Variants in VARS1 observed in about 807,000 individuals in gnomAD.
VARS1 encodes valyl-tRNA synthetase 1, also known as valine--tRNA ligase.
A neutral mutation model predicts 161.0 loss-of-function variants in VARS1; 92 were observed. The observed-to-expected ratio is 0.57, with a 90% CI of 0.48 to 0.68. The LOEUF (loss-of-function observed/expected upper bound fraction) is 0.68, where lower values mean the gene tolerates loss of function less well. Among genes scored for constraint, VARS1 ranks in the 30% least tolerant of loss-of-function variants. The pLI, the probability that VARS1 is intolerant of heterozygous loss-of-function variation, is 0.00. For missense variants in VARS1, 1,338 were observed against 1,695.9 expected, an observed-to-expected ratio of 0.79 and a Z score of 3.71; for synonymous variants, 595 against 682.5, an observed-to-expected ratio of 0.87 and a Z score of 2.00.
intron 8 of VARS1, among the ~76,000 whole-genome samples, chr6:31,786,254 C>G (rs771550175): frequency 1.3e-5 from 2 of 149,068 alleles, no homozygotes; most frequent in Non-Finnish European, 3.0e-5. Context: ...AGTGAGACTC[C>G]GTCTCCAAAA....
chr6:31,779,442 G>A lies in VARS1; in HGVS notation c.3383C>T (p.Thr1128Ile), dbSNP rs768376174. 2 of 1,612,300 alleles carry A rather than the reference G, an allele frequency of 1.2e-6. No homozygotes were observed. Among genetic ancestry groups the A allele is most frequent in the South Asian group, 1.1e-5 (1 of 91,070 alleles). The change falls in exon 28 of 30, where the codon ACC becomes ATC. Residue 1128 changes from threonine to isoleucine, a missense_variant. Physicochemically the swap from Thr to Ile is moderately conservative, Grantham distance 89. This residue lies in a region of VARS1 where 433 missense variants were observed against 586.2 expected (regional missense o/e 0.74). Coordinates refer to ENST00000375663, the MANE Select transcript of VARS1 (RefSeq NM_006295.3). This position sits in a 1 kb window ranked among gnomAD's most constrained non-coding sequence, Gnocchi z 9.1. ...VRSLRADYNL[T>I]RIRPDCFLEV... The stretch of plus-strand genomic sequence containing the variant: ...AGGCTCACAGTCAGGCCGGATCCGG[G>A]TGAGGTTGTAGTCGGCCCGCAGGGA...
rs746755292 is a variant in VARS1, at chr6:31,781,921, C to G, written c.2273G>C (p.Arg758Pro). ...DPDGRYWVSG[R>P]NEAEAREKAA... ...CTTCTCCCGGGCCTCCGCCTCATTGCGTCCACTCACCCAGTACCGCCCATC... is the reference window on the plus strand; with the variant it reads ...CTTCTCCCGGGCCTCCGCCTCATTGGGTCCACTCACCCAGTACCGCCCATC... The change falls in exon 19 of 30, where the codon CGC (arginine) becomes CCC (proline). Residue 758 changes from arginine (R) to proline (P), a missense_variant. This residue lies in a region of VARS1 where 902 missense variants were observed against 1,090.3 expected (regional missense o/e 0.83). Transcript: ENST00000375663. The surrounding 1 kb of genome is among the most constrained non-coding windows in gnomAD (Gnocchi z 6.8). The G allele has an allele frequency of 6.2e-7, 1 of 1,612,898 alleles. No homozygotes were observed. The highest frequency in any genetic ancestry group is 2.2e-5 in the East Asian group (1 of 44,890).
Position 31,795,495 on chromosome 6 carries a change from A to T in VARS1, c.-34+51T>A, listed in dbSNP as rs1469792153. ...GCTTCGGGGAGTGTGGAAGGCTCTC[A>T]GGAGCGGGTCGGCGTCTGGTTGGAT... is the stretch of plus-strand genomic sequence containing the variant. On this transcript the variant is annotated intron_variant, in intron 1 of 29. Transcript: ENST00000375663. The surrounding 1 kb of genome is among the most constrained non-coding windows in gnomAD (Gnocchi z 6.9). 1 of 345,280 alleles carries T rather than the reference A, an allele frequency of 2.9e-6. No individual in the cohort carries two copies. The highest frequency in any genetic ancestry group is 5.2e-6 in the Non-Finnish European group (1 of 192,064). 21.4% of individuals were successfully genotyped at this position (345,280 alleles called of 1,614,324 possible). A position where few individuals can be genotyped will look rare whatever the true frequency, so the allele number is the denominator to read the frequency against.
At position 31,781,355 on chromosome 6, in the gene VARS1, A is replaced by C. The variant is rs1813130007; in HGVS notation, c.2544+126T>G. 4.9e-6 allele frequency: 7 copies of C among 1,432,294 alleles called. No homozygotes were observed. The highest frequency in any genetic ancestry group is 6.5e-6 in the Non-Finnish European group (7 of 1,071,984). The allele number at this position is 1,432,294 out of a possible 1,614,324, so 88.7% of individuals were successfully genotyped here. On this transcript the variant is annotated intron_variant, in intron 21 of 29. Transcript: ENST00000375663. The surrounding 1 kb of genome is among the most constrained non-coding windows in gnomAD (Gnocchi z 6.8). ...GGCCCAGGCTGGATTTCAACCCCAC[A>C]CCAGCCCCCGGGTCAGGCCTGCCCA...
rs775529938 is a variant in VARS1 at position 31,779,054 on chromosome 6, C to A, written c.3639G>T (p.Arg1213=). 10 of 1,612,770 alleles carry A rather than the reference C, an allele frequency of 6.2e-6. No individual in the cohort carries two copies. In the South Asian group the frequency reaches 9.9e-5, roughly 16 times the overall value. ...GGCGTTCCCGCAGACGCTGGGCCTG[C>A]CGCTGGGCCTCAACTCGCTTGGCTT... ...KLQAKRVEAQ[R]QAQRLRERRA... The change falls in exon 29 of 30, where the codon CGG becomes CGT. Residue 1213 remains arginine (R), a synonymous_variant. Coordinates refer to ENST00000375663, the MANE Select transcript of VARS1 (RefSeq NM_006295.3). This position sits in a 1 kb window ranked among gnomAD's most constrained non-coding sequence, Gnocchi z 9.1.
Position 31,783,188 on chromosome 6 carries a change from T to C in VARS1, c.1672-2A>G. 1 of 1,612,162 alleles carries C rather than the reference T, an allele frequency of 6.2e-7. No homozygotes were observed. Among genetic ancestry groups the C allele is most frequent in the Non-Finnish European group, 8.5e-7 (1 of 1,179,708 alleles). On this transcript the variant is annotated splice_acceptor_variant, in intron 13 of 29. Coordinates refer to ENST00000375663, the MANE Select transcript of VARS1 (RefSeq NM_006295.3). LOFTEE classifies it high-confidence loss of function. ...GATCACGTTCTTCCCCTTCAGGTGC[T>C]GGGGGCGGAAAGATACCAAAAACGC...
At chr6:31,790,025 G>A (rs186708406) in intron 8 of VARS1, among the ~76,000 whole-genome samples, 18 of 150,566 alleles carry the variant, frequency 1.2e-4, no homozygotes, top group Middle Eastern at 3.4e-3. Flanking sequence ...TGCAAGACCC[G>A]TCTCAAAAAA....
rs979488589 is a variant in VARS1 at position 31,791,116 on chromosome 6, A to C, written c.1100+494T>G. On this transcript the variant is annotated intron_variant, in intron 8 of 29. Coordinates refer to ENST00000375663, the MANE Select transcript of VARS1 (RefSeq NM_006295.3). The surrounding 1 kb of genome is among the most constrained non-coding windows in gnomAD (Gnocchi z 5.0). ...CCATGAGCCGAGATGGCGTCACTGC[A>C]CTCCGGCCTGGGCAACAGAACAAGA... Among the ~76,000 whole-genome samples the C allele has an allele frequency of 6.6e-6, 1 of 152,014 alleles. No homozygotes were observed. The highest frequency in any genetic ancestry group is 2.4e-5 in the African/African-American group (1 of 41,376).
rs778535534 is a variant in VARS1, at chr6:31,792,425, C to T, written c.753G>A (p.Gln251=). The change falls in exon 5 of 30, where the codon CAG becomes CAA. Residue 251 remains glutamine (Q), a synonymous_variant. Transcript: ENST00000375663. Reference sequence around the variant, plus strand: ...GAGGTGGCTGCTGCTGTTGGATCTTCTGCTTCTGTTGGAATTTCTCTAGCT... The same window carrying T: ...GAGGTGGCTGCTGCTGTTGGATCTTTTGCTTCTGTTGGAATTTCTCTAGCT... The part of the protein sequence containing the change: ...REKLEKFQQK[Q]KIQQQQPPPG... The T allele has an allele frequency of 6.2e-7, 1 of 1,614,058 alleles. No individual in the cohort carries two copies. The highest frequency in any genetic ancestry group is 8.5e-7 in the Non-Finnish European group (1 of 1,179,996).
chr6:31,791,496 G>C lies in VARS1; in HGVS notation c.1100+114C>G, dbSNP rs528707080. The stretch of plus-strand genomic sequence containing the variant: ...TGACAGAGAGAAGTGTAGCACCACT[G>C]GGGGCAGAAGTGAGCACCAACCCAG... On this transcript the variant is annotated intron_variant, in intron 8 of 29. Coordinates refer to ENST00000375663, the MANE Select transcript of VARS1 (RefSeq NM_006295.3). This position sits in a 1 kb window ranked among gnomAD's most constrained non-coding sequence, Gnocchi z 5.0. The C allele has an allele frequency of 3.0e-5, 42 of 1,404,788 alleles. No individual in the cohort carries two copies. The highest frequency in any genetic ancestry group is 3.2e-5 in the Non-Finnish European group (34 of 1,054,744). 87.0% of individuals were successfully genotyped at this position (1,404,788 alleles called of 1,614,324 possible). A position where few individuals can be genotyped will look rare whatever the true frequency, so the allele number is the denominator to read the frequency against.
chr6:31,785,645 A>G lies in VARS1; in HGVS notation c.1189T>C (p.Trp397Arg). 2 of 1,613,012 alleles carry G rather than the reference A, an allele frequency of 1.2e-6. No individual in the cohort carries two copies. The highest frequency in any genetic ancestry group is 1.7e-6 in the Non-Finnish European group (2 of 1,180,024). The change falls in exon 9 of 30, where the codon TGG becomes CGG. Residue 397 changes from tryptophan (W) to arginine (R), a missense_variant. Coordinates refer to ENST00000375663, the MANE Select transcript of VARS1 (RefSeq NM_006295.3). The surrounding 1 kb of genome is among the most constrained non-coding windows in gnomAD (Gnocchi z 6.1). ...TGCCGGCTCAGTCCCTGCTCACGCC[A>G]TAGCTTCTTCTCCACCACCACCTGG... Reference protein sequence around the residue: ...ATQVVVEKKLWREQGLSRHQL... With the variant: ...ATQVVVEKKLRREQGLSRHQL...
rs766137071 is a variant in VARS1, at chr6:31,784,578, C to T, written c.1467+17G>A. On this transcript the variant is annotated intron_variant, in intron 11 of 29. Transcript: ENST00000375663. The surrounding 1 kb of genome is among the most constrained non-coding windows in gnomAD (Gnocchi z 6.1). ...GGGTAGATTGGAGATGGAGACAGGC[C>T]AGGTTGGGGGGCGCACCTCAATGTC... 1 of 1,613,346 alleles carries T rather than the reference C, an allele frequency of 6.2e-7. No individual in the cohort carries two copies. The highest frequency in any genetic ancestry group is 8.5e-7 in the Non-Finnish European group (1 of 1,180,014).
At chr6:31,788,704 G>C (rs1327873480) in intron 8 of VARS1, among the ~76,000 whole-genome samples, 1 of 150,722 alleles carries the variant, frequency 6.6e-6, no homozygotes, top group Non-Finnish European at 1.5e-5. Context: ...AGCTACTCAG[G>C]AGGCTGAGGC....
chr6:31,781,595 C>T lies in VARS1; in HGVS notation c.2430G>A (p.Leu810=), dbSNP rs1372522125. The T allele has an allele frequency of 6.2e-7, 1 of 1,613,006 alleles. No homozygotes were observed. Among genetic ancestry groups the T allele is most frequent in the South Asian group, 1.1e-5 (1 of 91,084 alleles). Residue 810 remains leucine (L), a synonymous_variant, in exon 21 of 30, where the codon CTG becomes CTA. Transcript: ENST00000375663. The surrounding 1 kb of genome is among the most constrained non-coding windows in gnomAD (Gnocchi z 6.8). ...ILGWPNQSED[L]SVFYPGTLLE... is the part of the protein sequence containing the mutation. ...GCAGTGTCCCGGGGTAGAACACACT[C>T]AGGTCTTCTGACTGAGGGCAGACCA... is the stretch of plus-strand genomic sequence containing the variant.
At position 31,782,579 on chromosome 6, in the gene VARS1, C is replaced by T. The variant is rs1220185975; in HGVS notation, c.1942G>A (p.Gly648Arg). Residue 648 changes from glycine to arginine, a missense_variant, in exon 16 of 30, where the codon GGA (glycine) becomes AGA (arginine). Coordinates refer to ENST00000375663, the MANE Select transcript of VARS1 (RefSeq NM_006295.3). This position sits in a 1 kb window ranked among gnomAD's most constrained non-coding sequence, Gnocchi z 8.3. ...TTGTCCTCAATGCCACGGAACAGTC[C>T]CCGCTCCTTCAGCGCCACCAGCACC... ...KAVLVALKER[G>R]LFRGIEDNPM... The T allele has an allele frequency of 1.9e-6, 3 of 1,612,980 alleles. No individual in the cohort carries two copies. The African/African-American group carries it at 4.0e-5, about 22-fold the overall frequency.
At chr6:31,789,399 T>C (rs1813724016) in intron 8 of VARS1, among the ~76,000 whole-genome samples, 1 of 152,136 alleles carries the variant, frequency 6.6e-6, no homozygotes, top group African/African-American at 2.4e-5. Context: ...AGGTACAAAG[T>C]AAAACAACAG....
In VARS1 at chr6:31,795,556, T is replaced by G; in HGVS notation, c.-44A>C. ...GCCGCGTGTACGTACTGGAGGGAGA[T>G]GGTCAGACTGGGCCGGGAATCCACC... On this transcript the variant is annotated 5_prime_UTR_variant, in exon 1 of 30. Coordinates refer to ENST00000375663, the MANE Select transcript of VARS1 (RefSeq NM_006295.3). The surrounding 1 kb of genome is among the most constrained non-coding windows in gnomAD (Gnocchi z 6.9). 9.2e-6 allele frequency: 2 copies of G among 216,676 alleles called. No individual in the cohort carries two copies. Among genetic ancestry groups the G allele is most frequent in the East Asian group, 8.8e-5 (1 of 11,342 alleles). The allele number at this position is 216,676 out of a possible 1,614,324, so 13.4% of individuals were successfully genotyped here. A position where few individuals can be genotyped will look rare whatever the true frequency, so the allele number is the denominator to read the frequency against.
In VARS1 at chr6:31,780,918, C is replaced by A; in HGVS notation, c.2670G>T (p.Leu890=). 1 of 1,614,162 alleles carries A rather than the reference C, an allele frequency of 6.2e-7. No individual in the cohort carries two copies. The change falls in exon 23 of 30, where the codon CTG becomes CTT. Residue 890 remains leucine, a synonymous_variant. Transcript: ENST00000375663. The surrounding 1 kb of genome is among the most constrained non-coding windows in gnomAD (Gnocchi z 5.1). ...ISLQGLHNQL[L]NSNLDPSEVE... ...CCTCGCTGGGATCCAGGTTGCTGTT[C>A]AGCAGCTGGTTGTGGAGGCCCTGAG... is the stretch of plus-strand genomic sequence containing the variant.
In VARS1 at chr6:31,792,966, C is replaced by A. The variant is rs761097097; in HGVS notation, c.522+20G>T. The A allele has an allele frequency of 5.3e-5, 85 of 1,613,898 alleles. 1 individual carries two copies. Among genetic ancestry groups the A allele is most frequent in the Non-Finnish European group, 4.4e-5 (52 of 1,180,048 alleles). ...GTCTGAGGAGAGCAGTCTTGTTCTT[C>A]CCCAGGCCTGGTGACTCACGTATCG... On this transcript the variant is annotated intron_variant, in intron 3 of 29. Transcript: ENST00000375663.
Sources: allele counts gnomAD v4.1 joint callset (sites outside exome capture counted in the v4.1 genomes callset), GRCh38; gene constraint gnomAD v4.1.1; regional missense constraint gnomAD v4.1.1; non-coding constraint Gnocchi (gnomAD v3.1); transcripts MANE v1.5; gene names NCBI Gene and HGNC (gene_info 2026-07-23, HGNC 2026-07-21).